ELFN1: variants seen among roughly 807,000 people sequenced by gnomAD.
The protein encoded by ELFN1 is protein ELFN1.
In ELFN1, 6 loss-of-function variants were observed where a neutral mutation model predicts 7.6. That is an observed-to-expected ratio of 0.79 (90% CI 0.43 to 1.56). ELFN1 has a LOEUF of 1.56. Ranked by LOEUF, ELFN1 falls within the 40% of genes most tolerant of loss-of-function variation. The pLI, the probability that ELFN1 is intolerant of heterozygous loss-of-function variation, is 0.01. For missense variants in ELFN1, 1,169 were observed against 1,232.2 expected (o/e 0.95, Z 0.77); for synonymous variants, 657 against 588.1 (o/e 1.12, Z -1.70).
chr7:1,714,064 A>C (rs1779752285), intron 3 of ELFN1, among the ~76,000 whole-genome samples: 1 of 152,210 alleles, frequency 6.6e-6, no homozygotes, highest in African/African-American at 2.4e-5. Flanking sequence ...CATGCCTCAC[A>C]CGGGCGGGCT....
chr7:1,721,529 G>A (rs940574327), intron 3 of ELFN1, among the ~76,000 whole-genome samples: 17 of 152,238 alleles, frequency 1.1e-4, no homozygotes, highest in African/African-American at 4.1e-4. Flanking sequence ...CTTGTCGGCT[G>A]GAAGAAGAAC....
At position 1,746,572 on chromosome 7, in the gene ELFN1, T is replaced by G; in HGVS notation, c.1976T>G (p.Val659Gly). Reference sequence around the variant, plus strand: ...GCCTTCCGAGCCGAGGCCGTCGGGGTGCACAAGGCCGCGGCCGCCGAGGCC... The same window carrying G: ...GCCTTCCGAGCCGAGGCCGTCGGGGGGCACAAGGCCGCGGCCGCCGAGGCC... ...PRAFRAEAVG[V>G]HKAAAAEAKY... is the part of the protein sequence containing the mutation. Residue 659 changes from valine (V) to glycine (G), a missense_variant, in exon 4 of 4, where the codon GTG becomes GGG. Coordinates refer to ENST00000424383, the MANE Select transcript of ELFN1 (RefSeq NM_001128636.4). 2 of 1,350,556 alleles carry G rather than the reference T, an allele frequency of 1.5e-6. No homozygotes were observed. The highest frequency in any genetic ancestry group is 1.9e-6 in the Non-Finnish European group (2 of 1,056,466). The allele number at this position is 1,350,556 out of a possible 1,614,324, so 83.7% of individuals were successfully genotyped here.
chr7:1,675,320 G>A (rs974984756), intron 1 of ELFN1, among the ~76,000 whole-genome samples: 4 of 152,260 alleles, frequency 2.6e-5, no homozygotes, highest in African/African-American at 9.6e-5. Context: ...GGTGGCGGCC[G>A]AGGGCTCGGG....
intron 1 of ELFN1, among the ~76,000 whole-genome samples, chr7:1,684,263 A>C (rs1779022459): frequency 1.3e-5 from 2 of 151,990 alleles, no homozygotes; most frequent in African/African-American, 4.8e-5. Context: ...CGATCCTTTT[A>C]TTTTCAACAT....
intron 3 of ELFN1, among the ~76,000 whole-genome samples, chr7:1,732,718 G>A (rs1199248900): frequency 4.6e-5 from 7 of 152,032 alleles, no homozygotes; most frequent in Non-Finnish European, 1.0e-4. Flanking sequence ...ATGTCGGTGG[G>A]GAGAAATATG....
chr7:1,683,619 A>C (rs762770120), intron 1 of ELFN1, among the ~76,000 whole-genome samples: 7 of 152,278 alleles, frequency 4.6e-5, no homozygotes, highest in Middle Eastern at 6.8e-3. Flanking sequence ...TTGTTCTATC[A>C]GTTATTGAGA....
intron 1 of ELFN1, among the ~76,000 whole-genome samples, chr7:1,684,738 T>A (rs1259389446): frequency 6.6e-6 from 1 of 152,190 alleles, no homozygotes; most frequent in Non-Finnish European, 1.5e-5. Flanking sequence ...TACTCCAACA[T>A]AGCTCAATTT....
At position 1,739,770 on chromosome 7, in the gene ELFN1, G is replaced by C. The variant is rs764788095; in HGVS notation, c.-293-4534G>C. Among the ~76,000 whole-genome samples the C allele has an allele frequency of 2.2e-4, 33 of 152,212 alleles. No individual in the cohort carries two copies. Among genetic ancestry groups the C allele is most frequent in the Admixed American group, 6.5e-4 (10 of 15,292 alleles). ...CAAGACAAAAATGGGCCCTGGCAGG[G>C]CAGAGGTCACCGGTGGCCTTGGTGA... On this transcript the variant is annotated intron_variant, in intron 3 of 3. Transcript: ENST00000424383. This position sits in a 1 kb window ranked among gnomAD's most constrained non-coding sequence, Gnocchi z 4.6.
At position 1,726,010 on chromosome 7, in the gene ELFN1, A is replaced by G. The variant is rs1780184594; in HGVS notation, c.-294+16758A>G. On this transcript the variant is annotated intron_variant, in intron 3 of 3. Transcript: ENST00000424383. ...ATAGTACAGTCTTACCCCAAATCACACTCACACGCAAATACACAACTTGCG... is the reference window on the plus strand; with the variant it reads ...ATAGTACAGTCTTACCCCAAATCACGCTCACACGCAAATACACAACTTGCG... Among the ~76,000 whole-genome samples the G allele has an allele frequency of 2.6e-5, 4 of 151,976 alleles. No homozygotes were observed. The South Asian group carries it at 8.3e-4, about 32-fold the overall frequency.
chr7:1,683,423 T>C (rs954542318), intron 1 of ELFN1, among the ~76,000 whole-genome samples: 1 of 152,262 alleles, frequency 6.6e-6, no homozygotes, highest in Non-Finnish European at 1.5e-5. Flanking sequence ...TTTTTAGGAA[T>C]TTGTTCACTT....
At position 1,740,807 on chromosome 7, in the gene ELFN1, G is replaced by A. The variant is rs115516672; in HGVS notation, c.-293-3497G>A. The stretch of plus-strand genomic sequence containing the variant: ...TCTGTGTCTGTGCCTCAGTTTCCCC[G>A]CTGTAAAGTGAGCTGCAGAATGAAA... On this transcript the variant is annotated intron_variant, in intron 3 of 3. Transcript: ENST00000424383. The surrounding 1 kb of genome is among the most constrained non-coding windows in gnomAD (Gnocchi z 5.0). Among the ~76,000 whole-genome samples the A allele has an allele frequency of 2.7e-3, 406 of 152,252 alleles. 2 individuals carry two copies. Among genetic ancestry groups the A allele is most frequent in the African/African-American group, 8.8e-3 (365 of 41,556 alleles).
intron 3 of ELFN1, among the ~76,000 whole-genome samples, chr7:1,722,789 A>G (rs886632657): frequency 1.6e-4 from 25 of 152,256 alleles, no homozygotes; most frequent in African/African-American, 5.8e-4. Context: ...ATTTAATACA[A>G]TCAATGACCT....
chr7:1,721,205 G>C (rs1294862381), intron 3 of ELFN1, among the ~76,000 whole-genome samples: 1 of 152,170 alleles, frequency 6.6e-6, no homozygotes, highest in African/African-American at 2.4e-5. Context: ...GTGGGAGGCA[G>C]TTACATGGCT....
In ELFN1 at chr7:1,745,303, G is replaced by A. The variant is rs887624907; in HGVS notation, c.707G>A (p.Arg236His). The change falls in exon 4 of 4, where the codon CGC becomes CAC. Residue 236 changes from arginine (R) to histidine (H), a missense_variant. Around this residue, in one of 2 missense-constraint regions of ELFN1, gnomAD observed 255 missense variants for 359.6 expected, o/e 0.71. Transcript: ENST00000424383. ...YSGYYLLGQG[R>H]RGHRSILSKL... ...GGCTACTACCTCCTGGGCCAGGGCC[G>A]CCGCGGCCACCGCAGCATCCTCAGC... The A allele has an allele frequency of 3.6e-5, 55 of 1,538,540 alleles. No individual in the cohort carries two copies. Among genetic ancestry groups the A allele is most frequent in the East Asian group, 2.7e-4 (11 of 40,910 alleles).
At chr7:1,675,883 C>T (rs552595900) in intron 1 of ELFN1, among the ~76,000 whole-genome samples, 2 of 152,330 alleles carry the variant, frequency 1.3e-5, no homozygotes, top group South Asian at 4.1e-4. Flanking sequence ...GGTTGGCCAG[C>T]GCTTGGCTCC....
intron 3 of ELFN1, among the ~76,000 whole-genome samples, chr7:1,717,608 G>T (rs1345464877): frequency 6.6e-6 from 1 of 152,224 alleles, no homozygotes; most frequent in Non-Finnish European, 1.5e-5. Flanking sequence ...CCTTCCCAGA[G>T]AGGAACGGTG....
At chr7:1,669,063 G>A (rs1280650419), upstream of ELFN1, among the ~76,000 whole-genome samples, 3 of 152,222 alleles carry the variant, frequency 2.0e-5, no homozygotes, top group Non-Finnish European at 2.9e-5. Context: ...GCAGCTCAGA[G>A]CCCACTCTCC....
At chr7:1,680,419 C>G (rs1778952855) in intron 1 of ELFN1, among the ~76,000 whole-genome samples, 1 of 152,192 alleles carries the variant, frequency 6.6e-6, no homozygotes, top group African/African-American at 2.4e-5. Context: ...ACCCTCGGGA[C>G]AAGAATCTGA....
chr7:1,717,130 C>A (rs774623668), intron 3 of ELFN1, among the ~76,000 whole-genome samples: 1 of 152,136 alleles, frequency 6.6e-6, no homozygotes, highest in Non-Finnish European at 1.5e-5. Context: ...CAGCCCTGAG[C>A]GATAGGCATC....
Sources: gnomAD v4.1 joint callset for allele counts (sites outside exome capture counted in the v4.1 genomes callset) on GRCh38, gnomAD v4.1.1 for gene constraint, gnomAD v4.1.1 regional missense constraint, Gnocchi (gnomAD v3.1) non-coding constraint, MANE v1.5 for transcripts, NCBI Gene and HGNC (gene_info 2026-07-23, HGNC 2026-07-21) for gene names.